LRBA: variants seen among roughly 807,000 people sequenced by gnomAD.
LRBA encodes the protein LPS responsive beige-like anchor protein.
LRBA carries 176 observed loss-of-function variants against 330.0 expected under a neutral mutation model. That is an observed-to-expected ratio of 0.53 (90% CI 0.47 to 0.60). The LOEUF is 0.60. LRBA is among the 20% of genes least tolerant of loss of function. The pLI is 0.00. For synonymous variants in LRBA, 1,230 were observed against 1,193.0 expected (o/e 1.03, Z -0.64); for missense variants, 3,259 against 3,444.8 (o/e 0.95, Z 1.35).
At chr4:150,650,213 A>G (rs1779578521) in intron 37 of LRBA, among the ~76,000 whole-genome samples, 1 of 152,174 alleles carries the variant, frequency 6.6e-6, no homozygotes, top group Non-Finnish European at 1.5e-5. Context: ...AGAAGGCCCA[A>G]ACAGCTTAAG....
chr4:150,282,635 GA>G lies in LRBA; in HGVS notation c.8130del (p.Leu2711SerfsTer5), dbSNP rs1230961356. 1 of 1,599,314 alleles carries G rather than the reference GA, an allele frequency of 6.3e-7. No homozygotes were observed. Among genetic ancestry groups the G allele is most frequent in the South Asian group, 1.1e-5 (1 of 89,698 alleles). On this transcript the variant is annotated frameshift_variant, in exon 55 of 57. Coordinates refer to ENST00000651943, the MANE Select transcript of LRBA (RefSeq NM_001364905.1). LOFTEE classifies it high-confidence loss of function. ...LVLSGSQEGP[C>X]LIHSMNGDLL... ...AAGTCTCCATTCATGGAATGTATGA[GA>G]CATGGTCCTTCTGAGAAGAGAGGAG...
chr4:150,455,768 ATT>A (rs902904429), intron 44 of LRBA, among the ~76,000 whole-genome samples: 8 of 151,190 alleles, frequency 5.3e-5, no homozygotes, highest in African/African-American at 1.9e-4. Context: ...TATCTTGATA[ATT>A]TTTTTTTGTA....
intron 22 of LRBA, among the ~76,000 whole-genome samples, chr4:150,855,342 A>G (rs1379814276): frequency 6.6e-6 from 1 of 152,156 alleles, no homozygotes; most frequent in Non-Finnish European, 1.5e-5. Context: ...AACAATTATC[A>G]TTGTCAAAAG....
At chr4:150,472,887 C>G (rs1756307288) in intron 42 of LRBA, among the ~76,000 whole-genome samples, 1 of 151,966 alleles carries the variant, frequency 6.6e-6, no homozygotes, top group Non-Finnish European at 1.5e-5. Flanking sequence ...TTTTGTTTAT[C>G]TAGTTGATGG....
intron 44 of LRBA, among the ~76,000 whole-genome samples, chr4:150,457,894 C>G (rs911227283): frequency 1.3e-5 from 2 of 151,890 alleles, no homozygotes; most frequent in Admixed American, 1.3e-4. Context: ...TAAATAGTCA[C>G]TCCACATCAC....
chr4:151,009,665 T>C (rs556140683), intron 2 of LRBA, among the ~76,000 whole-genome samples: 53 of 151,634 alleles, frequency 3.5e-4, no homozygotes, highest in Non-Finnish European at 4.4e-5. Flanking sequence ...CAGTGAGCTA[T>C]GATCAAGCCA....
At chr4:150,431,058 T>G (rs1433489861) in intron 46 of LRBA, among the ~76,000 whole-genome samples, 1 of 152,194 alleles carries the variant, frequency 6.6e-6, no homozygotes, top group Non-Finnish European at 1.5e-5. Context: ...TAGATGTAGC[T>G]GTCTAGTCAA....
At chr4:150,339,290 C>T (rs1561035515) in intron 48 of LRBA, among the ~76,000 whole-genome samples, 1 of 152,072 alleles carries the variant, frequency 6.6e-6, no homozygotes. Flanking sequence ...TTGTAAATTC[C>T]TTCATTCCTG....
At chr4:150,352,923 C>T (rs966147354) in intron 47 of LRBA, among the ~76,000 whole-genome samples, 3 of 152,190 alleles carry the variant, frequency 2.0e-5, no homozygotes, top group Non-Finnish European at 4.4e-5. Flanking sequence ...AAACCATACA[C>T]TTAAATGGCA....
intron 41 of LRBA, among the ~76,000 whole-genome samples, chr4:150,489,589 T>TAAGAATATATAATATATAA (rs70941410): frequency 9.9e-5 from 6 of 60,762 alleles, no homozygotes; most frequent in African/African-American, 3.2e-4. Flanking sequence ...ATATAATATA[T>TAAGAATATATAATATATAA]TATATAAGAA....
At chr4:150,425,849 A>G (rs1388352652) in intron 46 of LRBA, among the ~76,000 whole-genome samples, 1 of 152,102 alleles carries the variant, frequency 6.6e-6, no homozygotes, top group African/African-American at 2.4e-5. Context: ...CAACTCAAAT[A>G]GAAGCATGAT....
intron 36 of LRBA, among the ~76,000 whole-genome samples, chr4:150,723,562 C>T (rs1414412178): frequency 3.9e-5 from 6 of 152,166 alleles, no homozygotes; most frequent in Non-Finnish European, 5.9e-5. Context: ...GCAGTGATAA[C>T]GAAGGGAATA....
At chr4:150,458,807 C>T (rs1754407779) in intron 44 of LRBA, among the ~76,000 whole-genome samples, 1 of 147,594 alleles carries the variant, frequency 6.8e-6, no homozygotes, top group African/African-American at 2.5e-5. Context: ...TAAAAAAACA[C>T]TTCTGTTTCA....
intron 47 of LRBA, among the ~76,000 whole-genome samples, chr4:150,404,142 T>C (rs902753000): frequency 6.6e-6 from 1 of 152,166 alleles, no homozygotes; most frequent in African/African-American, 2.4e-5. Context: ...TCATGCACCA[T>C]AGAAGATTCT....
intron 2 of LRBA, among the ~76,000 whole-genome samples, chr4:151,006,668 AGTTT>A: frequency 6.6e-6 from 1 of 152,142 alleles, no homozygotes; most frequent in Non-Finnish European, 1.5e-5. Flanking sequence ...AAGCTTACTT[AGTTT>A]TTCTATTAAT....
At chr4:150,792,505 T>A (rs1286331983) in intron 34 of LRBA, among the ~76,000 whole-genome samples, 1 of 152,084 alleles carries the variant, frequency 6.6e-6, no homozygotes, top group Non-Finnish European at 1.5e-5. Flanking sequence ...AGTTGACGTT[T>A]TTTATTTATT....
intron 36 of LRBA, among the ~76,000 whole-genome samples, chr4:150,697,707 T>C (rs961303688): frequency 6.6e-6 from 1 of 152,196 alleles, no homozygotes; most frequent in Non-Finnish European, 1.5e-5. Context: ...TTATAATTTC[T>C]TTAATTCATA....
At chr4:150,796,933 C>A (rs1429017493) in intron 34 of LRBA, among the ~76,000 whole-genome samples, 1 of 151,790 alleles carries the variant, frequency 6.6e-6, no homozygotes, top group Non-Finnish European at 1.5e-5. Flanking sequence ...TTTATCTAGT[C>A]AGCTTTTGAA....
At chr4:150,803,833 C>T (rs1334412316) in intron 33 of LRBA, among the ~76,000 whole-genome samples, 1 of 152,020 alleles carries the variant, frequency 6.6e-6, no homozygotes, top group Non-Finnish European at 1.5e-5. Flanking sequence ...TACAATTTTA[C>T]CAAAATTTAT....
Sources: gnomAD v4.1 joint callset for allele counts (sites outside exome capture counted in the v4.1 genomes callset) on GRCh38, gnomAD v4.1.1 for gene constraint, MANE v1.5 for transcripts, NCBI Gene and HGNC (gene_info 2026-07-23, HGNC 2026-07-21) for gene names.